Variants in RTL9 observed in about 807,000 individuals in gnomAD.
RTL9 encodes retrotransposon Gag like 9, also known as retrotransposon Gag-like protein 9.
Under a neutral mutation model 44.7 loss-of-function variants are expected in RTL9, and 19 were observed. That is an observed-to-expected ratio of 0.42 (90% CI 0.30 to 0.62). The LOEUF (loss-of-function observed/expected upper bound fraction) is 0.62. Among genes scored for constraint, RTL9 ranks in the 20% least tolerant of loss-of-function variants. RTL9 has a pLI of 0.16. For synonymous variants in RTL9, 407 were observed against 398.9 expected (o/e 1.02, Z -0.24); for missense variants, 1,105 against 1,080.6 (o/e 1.02, Z -0.32).
At chrX:110,390,668 G>A (rs1352847130) in intron 1 of RTL9, among the ~76,000 whole-genome samples, 1 of 111,907 alleles carries the variant, frequency 8.9e-6, no homozygotes, top group Non-Finnish European at 1.9e-5. Context: ...ATCATGTTTA[G>A]TTTCAGGAGG....
At chrX:110,361,766 C>A (rs1306840577) in intron 1 of RTL9, among the ~76,000 whole-genome samples, 2 of 112,305 alleles carry the variant, frequency 1.8e-5, no homozygotes, top group African/African-American at 6.5e-5. Context: ...ATTTGTTTAT[C>A]ATCTATCTCC....
chrX:110,409,119 A>C (rs189174153), intron 1 of RTL9, among the ~76,000 whole-genome samples: 2 of 111,704 alleles, frequency 1.8e-5, no homozygotes, highest in Admixed American at 1.9e-4. Context: ...ATGTGGATGC[A>C]AGCACACAGC....
upstream of RTL9, among the ~76,000 whole-genome samples, chrX:110,447,767 C>T (rs938559332): frequency 2.7e-5 from 3 of 110,580 alleles, no homozygotes; most frequent in African/African-American, 6.6e-5. Context: ...AGGTTTATAA[C>T]GACCTGAATG....
intron 1 of RTL9, among the ~76,000 whole-genome samples, chrX:110,386,772 C>G (rs2068458261): frequency 8.9e-6 from 1 of 112,317 alleles, no homozygotes; most frequent in Admixed American, 9.4e-5. Context: ...CTCCTGCACT[C>G]CTTTGAAATT....
At chrX:110,440,214 C>T (rs948922595) in intron 1 of RTL9, 2 of 110,890 alleles carry the variant, frequency 1.8e-5, no homozygotes, top group Admixed American at 1.9e-4. Context: ...GTCCTCTAAA[C>T]GATTAGCCCA....
chrX:110,428,527 G>C (rs2068770654), intron 1 of RTL9, among the ~76,000 whole-genome samples: 1 of 111,272 alleles, frequency 9.0e-6, no homozygotes, highest in Non-Finnish European at 1.9e-5. Context: ...TTTCTGTCCA[G>C]GCCCCCGTTG....
upstream of RTL9, among the ~76,000 whole-genome samples, chrX:110,418,217 T>C (rs2068691652): frequency 1.8e-5 from 2 of 112,570 alleles, no homozygotes; most frequent in African/African-American, 6.5e-5. Context: ...GAGATACGCC[T>C]GATGGTCTAA....
chrX:110,418,231 A>G (rs1051184451), upstream of RTL9, among the ~76,000 whole-genome samples: 2 of 112,265 alleles, frequency 1.8e-5, no homozygotes, highest in African/African-American at 6.5e-5. Context: ...GGTCTAACAC[A>G]TTTTTGTCAA....
In RTL9 at chrX:110,454,216, G is replaced by A; in HGVS notation, c.3599G>A (p.Trp1200Ter). The A allele has an allele frequency of 8.3e-7, 1 of 1,211,693 alleles. No homozygotes were observed. The highest frequency in any genetic ancestry group is 1.1e-6 in the Non-Finnish European group (1 of 895,423). Residue 1200 changes from tryptophan (W) to a stop codon, truncating the protein, a stop_gained, in exon 1 of 2, where the codon TGG (tryptophan) becomes TAG (stop). Coordinates refer to ENST00000540313, the Ensembl canonical transcript of RTL9. LOFTEE classifies it high-confidence loss of function. ...CTTCATCTGGGAGCAGCAGAGAGGTGGTTCATCTTGCAAATGGAGGTAGGA... is the reference window on the plus strand; with the variant it reads ...CTTCATCTGGGAGCAGCAGAGAGGTAGTTCATCTTGCAAATGGAGGTAGGA...
intron 1 of RTL9, among the ~76,000 whole-genome samples, chrX:110,393,414 A>G (rs914448240): frequency 8.9e-6 from 1 of 112,051 alleles, no homozygotes; most frequent in East Asian, 2.8e-4. Flanking sequence ...ACAGCCCTAC[A>G]AGGCAGATAC....
At chrX:110,452,046 C>T (rs1454154507) in exon 1 of RTL9, 3 of 1,211,375 alleles carry the variant, frequency 2.5e-6, no homozygotes, top group East Asian at 5.9e-5. Flanking sequence ...TGGAGCAATG[C>T]CCACAGGCTC....
At chrX:110,378,080 A>T (rs2068391898) in intron 1 of RTL9, among the ~76,000 whole-genome samples, 1 of 109,339 alleles carries the variant, frequency 9.1e-6, no homozygotes, top group Admixed American at 9.7e-5. Flanking sequence ...CTTTTCTTCA[A>T]GATTCTGATT....
chrX:110,371,634 T>C (rs772431172), intron 1 of RTL9, among the ~76,000 whole-genome samples: 5 of 111,272 alleles, frequency 4.5e-5, no homozygotes, highest in Admixed American at 9.5e-5. Flanking sequence ...AACAGGGGAC[T>C]GGAGATCAGA....
intron 1 of RTL9, among the ~76,000 whole-genome samples, chrX:110,420,554 T>C (rs2068709624): frequency 8.9e-6 from 1 of 112,021 alleles, no homozygotes; most frequent in South Asian, 3.8e-4. Flanking sequence ...AGGTTTCATT[T>C]TGTCATCGGT....
intron 1 of RTL9, among the ~76,000 whole-genome samples, chrX:110,385,311 A>G (rs1176077065): frequency 8.9e-6 from 1 of 112,007 alleles, no homozygotes; most frequent in Non-Finnish European, 1.9e-5. Context: ...CTATATAAAT[A>G]TTAGCTTTTA....
At chrX:110,399,675 T>G (rs944025012) in intron 1 of RTL9, among the ~76,000 whole-genome samples, 1 of 111,747 alleles carries the variant, frequency 8.9e-6, no homozygotes, top group Non-Finnish European at 1.9e-5. Flanking sequence ...ATTGTGCGGC[T>G]AGCCTGCATT....
chrX:110,394,290 G>A (rs746635050), intron 1 of RTL9, among the ~76,000 whole-genome samples: 5 of 111,329 alleles, frequency 4.5e-5, no homozygotes, highest in South Asian at 3.8e-4. Context: ...CACTCCTCTC[G>A]CCCAGGCTGG....
chrX:110,410,933 T>C (rs1383577478), intron 1 of RTL9, among the ~76,000 whole-genome samples: 1 of 112,199 alleles, frequency 8.9e-6, no homozygotes, highest in South Asian at 3.7e-4. Context: ...CCAAATCTCT[T>C]TATTTAAAAT....
At chrX:110,450,704 T>C (rs2068933798) in exon 1 of RTL9, 4 of 1,211,007 alleles carry the variant, frequency 3.3e-6, no homozygotes, top group Non-Finnish European at 4.5e-6. Flanking sequence ...TGGCCTTCTG[T>C]AGACCAATGA....
Sources: gnomAD v4.1 joint callset for allele counts (sites outside exome capture counted in the v4.1 genomes callset) on GRCh38, gnomAD v4.1.1 for gene constraint, MANE v1.5 for transcripts, NCBI Gene and HGNC (gene_info 2026-07-23, HGNC 2026-07-21) for gene names.